DIPK1A: variants seen among roughly 807,000 people sequenced by gnomAD.
DIPK1A encodes the protein family with sequence similarity 69 member A.
In DIPK1A, 27 loss-of-function variants were observed where a neutral mutation model predicts 40.8. The ratio of observed to expected loss-of-function variants is 0.66; its 90% confidence interval spans 0.49 to 0.91. The LOEUF (loss-of-function observed/expected upper bound fraction) is 0.91. DIPK1A is among the 40% of genes least tolerant of loss of function. The probability of loss-of-function intolerance (pLI) is 0.00; values close to 1 mark genes in which losing one functional copy is unlikely to be tolerated. For synonymous variants in DIPK1A, 166 were observed against 171.3 expected, an observed-to-expected ratio of 0.97 and a Z score of 0.24; for missense variants, 412 against 505.7, an observed-to-expected ratio of 0.81 and a Z score of 1.78.
intron 4 of DIPK1A, chr1:92,836,437 C>G (rs1687130865): frequency 6.4e-7 from 1 of 1,559,250 alleles, no homozygotes; most frequent in Non-Finnish European, 8.8e-7. Context: ...CGTGGTACTT[C>G]CCTGTTTTTA....
chr1:92,928,794 T>A (rs889743756), intron 1 of DIPK1A, among the ~76,000 whole-genome samples: 1 of 152,168 alleles, frequency 6.6e-6, no homozygotes, highest in East Asian at 1.9e-4. Context: ...AAACCCCGAC[T>A]CTACTAAAAA....
At chr1:92,939,779 C>A (rs1651081976) in intron 1 of DIPK1A, among the ~76,000 whole-genome samples, 1 of 152,100 alleles carries the variant, frequency 6.6e-6, no homozygotes, top group African/African-American at 2.4e-5. Flanking sequence ...CATAGTGAAA[C>A]CCTGTTTCTA....
At chr1:92,894,802 T>C (rs1373827914) in intron 1 of DIPK1A, among the ~76,000 whole-genome samples, 1 of 151,790 alleles carries the variant, frequency 6.6e-6, no homozygotes, top group East Asian at 1.9e-4. Flanking sequence ...ATAGAGGCAA[T>C]AAAAAATGAT....
Position 92,844,002 on chromosome 1 carries a change from C to T in DIPK1A, c.668G>A (p.Gly223Asp). The change falls in exon 5 of 5, where the codon GGT becomes GAT. Residue 223 changes from glycine (G) to aspartate (D), a missense_variant. By Grantham distance (94) the Gly-to-Asp change is moderately conservative. Transcript: ENST00000370310. ...AACACTTTCCATCACATAGAGGTCA[C>T]CACAGAATCCCATTAATTTGGGGGT... The part of the protein sequence containing the change: ...EHTPKLMGFC[G>D]DLYVMESVEY... 1 of 1,552,152 alleles carries T rather than the reference C, an allele frequency of 6.4e-7. No individual in the cohort carries two copies. The highest frequency in any genetic ancestry group is 2.4e-5 in the East Asian group (1 of 40,926).
chr1:92,905,243 A>G (rs9439948), intron 1 of DIPK1A, among the ~76,000 whole-genome samples: 104,097 of 151,890 alleles, frequency 0.69, 36,169 homozygotes, highest in East Asian at 0.96. Flanking sequence ...ATTCTCTATA[A>G]TGGCTGTACT....
chr1:92,952,488 C>T (rs1247409685), intron 1 of DIPK1A, among the ~76,000 whole-genome samples: 1 of 151,976 alleles, frequency 6.6e-6, no homozygotes, highest in Non-Finnish European at 1.5e-5. Context: ...GGTGTGGTGG[C>T]ACAGGCCTGT....
intron 1 of DIPK1A, among the ~76,000 whole-genome samples, chr1:92,939,951 C>CAA (rs11400901): frequency 3.0e-4 from 44 of 148,984 alleles, no homozygotes; most frequent in South Asian, 1.3e-3. Context: ...GACCCTGTCT[C>CAA]AAAAAAAAAA....
At chr1:92,856,136 T>C (rs1228581982) in intron 2 of DIPK1A, among the ~76,000 whole-genome samples, 4 of 151,892 alleles carry the variant, frequency 2.6e-5, no homozygotes, top group Admixed American at 2.6e-4. Flanking sequence ...CCAAAAAAGA[T>C]ACACTTTTAG....
chr1:92,918,938 G>A (rs936263842), intron 1 of DIPK1A, among the ~76,000 whole-genome samples: 4 of 152,120 alleles, frequency 2.6e-5, no homozygotes, highest in Admixed American at 1.3e-4. Flanking sequence ...CCGCTGATCC[G>A]GCAGGAGGCG....
rs142300075 is a variant in DIPK1A at position 92,887,394 on chromosome 1, C to G, written c.55-10964G>C. Among the ~76,000 whole-genome samples the G allele has an allele frequency of 3.0e-3, 457 of 152,054 alleles. 3 individuals are homozygous for G. Among genetic ancestry groups the G allele is most frequent in the African/African-American group, 0.01 (424 of 41,478 alleles). ...TGAGCTATGATCACACCACTGTACT[C>G]TAGCCTGGGTGACAGAGGGAGACCC... On this transcript the variant is annotated intron_variant, in intron 1 of 4. Transcript: ENST00000370310.
intron 2 of DIPK1A, among the ~76,000 whole-genome samples, chr1:92,860,541 G>A (rs1198479953): frequency 6.6e-6 from 1 of 151,056 alleles, no homozygotes; most frequent in Non-Finnish European, 1.5e-5. Flanking sequence ...TATAATCCCA[G>A]TACTTTGGGA....
At chr1:92,833,673 C>T (rs1687005261) in intron 4 of DIPK1A, 1 of 1,589,344 alleles carries the variant, frequency 6.3e-7, no homozygotes, top group African/African-American at 1.3e-5. Flanking sequence ...AAGTTGTATT[C>T]TAGACAGTCC....
At chr1:92,873,589 C>T (rs1263698295) in intron 2 of DIPK1A, among the ~76,000 whole-genome samples, 5 of 147,720 alleles carry the variant, frequency 3.4e-5, no homozygotes, top group East Asian at 2.0e-4. Flanking sequence ...CACTGCAGCC[C>T]GGGTGACAGA....
chr1:92,947,214 C>T lies in DIPK1A; in HGVS notation c.54+14162G>A, dbSNP rs1031446367. The stretch of plus-strand genomic sequence containing the variant: ...AGGCGGGGAAATACTTATAATAATA[C>T]ATCAAAATACAGAAAATCATCAGTT... On this transcript the variant is annotated intron_variant, in intron 1 of 4. Coordinates refer to ENST00000370310, the MANE Select transcript of DIPK1A (RefSeq NM_001006605.5). Among the ~76,000 whole-genome samples, 10 of 152,090 alleles carry T rather than the reference C, an allele frequency of 6.6e-5. 1 individual carries two copies. The highest frequency in any genetic ancestry group is 2.4e-4 in the African/African-American group (10 of 41,512).
At chr1:92,948,173 T>C (rs1340039450) in intron 1 of DIPK1A, among the ~76,000 whole-genome samples, 1 of 152,116 alleles carries the variant, frequency 6.6e-6, no homozygotes, top group Non-Finnish European at 1.5e-5. Context: ...ATAAATGTTA[T>C]CAACTTTGGC....
chr1:92,875,989 T>A (rs1336693885), intron 2 of DIPK1A, among the ~76,000 whole-genome samples: 1 of 150,622 alleles, frequency 6.6e-6, no homozygotes, highest in Non-Finnish European at 1.5e-5. Context: ...AAAAAACTCA[T>A]CTGATTGAAA....
intron 1 of DIPK1A, among the ~76,000 whole-genome samples, chr1:92,958,802 T>A (rs1051157318): frequency 1.3e-5 from 2 of 152,186 alleles, no homozygotes; most frequent in Non-Finnish European, 2.9e-5. Flanking sequence ...ACTCACTCCA[T>A]GGCAAATCAA....
chr1:92,869,445 C>T (rs1647729028), intron 2 of DIPK1A, among the ~76,000 whole-genome samples: 1 of 152,122 alleles, frequency 6.6e-6, no homozygotes, highest in Admixed American at 6.6e-5. Flanking sequence ...AGATGTGAGC[C>T]ACCATGCCTG....
At chr1:92,944,987 C>T (rs1238086105) in intron 1 of DIPK1A, among the ~76,000 whole-genome samples, 4 of 152,048 alleles carry the variant, frequency 2.6e-5, no homozygotes. Context: ...TCCCACACAT[C>T]CTTGCCAAAG....
Sources: allele counts gnomAD v4.1 joint callset (sites outside exome capture counted in the v4.1 genomes callset), GRCh38; gene constraint gnomAD v4.1.1; transcripts MANE v1.5; gene names NCBI Gene and HGNC (gene_info 2026-07-23, HGNC 2026-07-21).